EGFR: variants seen among roughly 807,000 people sequenced by gnomAD.
EGFR encodes the protein epidermal growth factor receptor, also known as avian erythroblastic leukemia viral (v-erb-b) oncogene homolog.
A neutral mutation model predicts 143.0 loss-of-function variants in EGFR; 58 were observed. The observed-to-expected ratio is 0.41, with a 90% CI of 0.33 to 0.50. EGFR has a LOEUF of 0.50. Ranked by LOEUF, EGFR falls within the 20% of genes least tolerant of loss-of-function variation. EGFR has a pLI of 0.39. For missense variants in EGFR, 1,307 were observed against 1,579.0 expected, an observed-to-expected ratio of 0.83 and a Z score of 2.92; for synonymous variants, 613 against 594.4, an observed-to-expected ratio of 1.03 and a Z score of -0.45.
At chr7:55,204,713 T>A (rs568862759) in intron 27 of EGFR, among the ~76,000 whole-genome samples, 12 of 95,262 alleles carry the variant, frequency 1.3e-4, no homozygotes, top group Non-Finnish European at 2.1e-4. Context: ...ACACACCACA[T>A]ACACACCCAC....
At chr7:55,055,500 C>T (rs1015798741) in intron 1 of EGFR, among the ~76,000 whole-genome samples, 68 of 152,270 alleles carry the variant, frequency 4.5e-4, no homozygotes, top group African/African-American at 1.6e-3. Flanking sequence ...TTCAACTGTG[C>T]ATTAACACAT....
intron 1 of EGFR, among the ~76,000 whole-genome samples, chr7:55,039,991 G>T (rs1209756595): frequency 6.6e-6 from 1 of 152,168 alleles, no homozygotes. Context: ...TCTCTTCACT[G>T]ACAGTTCTCT....
At chr7:55,075,074 G>A (rs1276037620) in intron 1 of EGFR, among the ~76,000 whole-genome samples, 3 of 152,142 alleles carry the variant, frequency 2.0e-5, no homozygotes, top group Non-Finnish European at 2.9e-5. Context: ...TGAATAGAAG[G>A]CCAAAGGGTG....
chr7:55,126,749 T>C (rs1472241971), intron 1 of EGFR, among the ~76,000 whole-genome samples: 1 of 152,238 alleles, frequency 6.6e-6, no homozygotes, highest in Non-Finnish European at 1.5e-5. Flanking sequence ...GTTTAAGTAC[T>C]GGATATACAT....
At chr7:55,201,060 G>C (rs17290692) in intron 24 of EGFR, 128 bp from the exon 25 acceptor site, 1 of 1,158,038 alleles carries the variant, frequency 8.6e-7, no homozygotes, top group African/African-American at 1.5e-5. Flanking sequence ...AGAACCAAGG[G>C]GGATTTCATT....
intron 11 of EGFR, among the ~76,000 whole-genome samples, chr7:55,158,694 A>C (rs1265670897): frequency 6.6e-6 from 1 of 152,218 alleles, no homozygotes; most frequent in African/African-American, 2.4e-5. Flanking sequence ...TTTAATGAGA[A>C]GTCTGGTGAT....
chr7:55,045,393 T>G (rs552405529), intron 1 of EGFR, among the ~76,000 whole-genome samples: 2 of 152,360 alleles, frequency 1.3e-5, no homozygotes, highest in South Asian at 4.1e-4. Context: ...GCTAAACAAT[T>G]GATTGAACTT....
rs1194237882 is a variant in EGFR at position 55,206,823 on chromosome 7, A to G, written c.*1206A>G. ...AAAGTGTCTCTGCCTTGAGTCATCT[A>G]TTCAAGCACTTACAGCTCTGGCCAC... On this transcript the variant is annotated 3_prime_UTR_variant, in exon 28 of 28. Transcript: ENST00000275493. 5 of 233,102 alleles carry G rather than the reference A, an allele frequency of 2.1e-5. No homozygotes were observed. Among genetic ancestry groups the G allele is most frequent in the Admixed American group, 1.7e-4 (3 of 17,760 alleles). 14.4% of individuals were successfully genotyped at this position (233,102 alleles called of 1,614,324 possible). A position where few individuals can be genotyped will look rare whatever the true frequency, so the allele number is the denominator to read the frequency against.
chr7:55,142,565 A>G (rs1794519789), intron 2 of EGFR, 128 bp downstream of exon 2: 2 of 1,218,780 alleles, frequency 1.6e-6, no homozygotes, highest in African/African-American at 1.5e-5. Flanking sequence ...CAGAGCTACA[A>G]ACGAGAGTTT....
At chr7:55,170,671 C>T in intron 15 of EGFR, 1 of 1,591,558 alleles carries the variant, frequency 6.3e-7, no homozygotes, top group South Asian at 1.1e-5. Flanking sequence ...GTGCCTCTCA[C>T]CCCAACTAGT....
At chr7:55,197,745 A>G (rs778580988) in intron 22 of EGFR, among the ~76,000 whole-genome samples, 1 of 152,276 alleles carries the variant, frequency 6.6e-6, no homozygotes, top group South Asian at 2.1e-4. Context: ...TTCTGCATCT[A>G]TTGAGATGAT....
In EGFR at chr7:55,152,571, G is replaced by T. The variant is rs776050604; in HGVS notation, c.654G>T (p.Gln218His). 1 of 1,613,970 alleles carries T rather than the reference G, an allele frequency of 6.2e-7. No individual in the cohort carries two copies. Among genetic ancestry groups the T allele is most frequent in the Non-Finnish European group, 8.5e-7 (1 of 1,180,034 alleles). ...TGACCAAAATCATCTGTGCCCAGCA[G>T]TGCTCCGGGCGCTGCCGTGGCAAGT... ...QKLTKIICAQ[Q>H]CSGRCRGKSP... is the part of the protein sequence containing the mutation. Residue 218 changes from glutamine to histidine, a missense_variant, in exon 6 of 28, where the codon CAG (glutamine) becomes CAT (histidine). By Grantham distance (24) the Gln-to-His change is conservative (BLOSUM62 0). Around this residue, in one of 7 missense-constraint regions of EGFR, gnomAD observed 311 missense variants for 412.3 expected, o/e 0.75. Coordinates refer to ENST00000275493, the MANE Select transcript of EGFR (RefSeq NM_005228.5).
chr7:55,059,572 TC>T (rs1789046519), intron 1 of EGFR, among the ~76,000 whole-genome samples: 1 of 152,094 alleles, frequency 6.6e-6, no homozygotes, highest in South Asian at 2.1e-4. Flanking sequence ...CATTACTATA[TC>T]ACGCAGAGTC....
intron 1 of EGFR, among the ~76,000 whole-genome samples, chr7:55,061,555 C>G (rs926855722): frequency 6.7e-6 from 1 of 150,252 alleles, no homozygotes; most frequent in South Asian, 2.1e-4. Flanking sequence ...ATTTTATAAG[C>G]CACATTTGCT....
chr7:55,091,852 AC>A (rs1791137725), intron 1 of EGFR, among the ~76,000 whole-genome samples: 2 of 17,312 alleles, frequency 1.2e-4, no homozygotes, highest in African/African-American at 8.6e-4. Context: ...CTGTAAACAC[AC>A]ACACACACAC....
At chr7:55,202,482 T>C (rs1787891987) in intron 26 of EGFR, 35 bp from the exon 27 acceptor site, 1 of 1,554,372 alleles carries the variant, frequency 6.4e-7, no homozygotes, top group African/African-American at 1.4e-5. Flanking sequence ...GGGGCAGCCC[T>C]GACCGGAGTA....
intron 1 of EGFR, among the ~76,000 whole-genome samples, chr7:55,115,379 C>T (rs771741193): frequency 3.3e-5 from 5 of 152,092 alleles, no homozygotes; most frequent in East Asian, 1.9e-4. Flanking sequence ...ATTGTAAAAA[C>T]GCCAAGCACA....
intron 1 of EGFR, among the ~76,000 whole-genome samples, chr7:55,081,206 G>A (rs1035060837): frequency 1.3e-5 from 2 of 152,210 alleles, no homozygotes; most frequent in African/African-American, 4.8e-5. Flanking sequence ...AGATCAGAAT[G>A]GAAATGATTA....
chr7:55,094,861 A>C (rs1791348378), intron 1 of EGFR, among the ~76,000 whole-genome samples: 1 of 152,216 alleles, frequency 6.6e-6, no homozygotes, highest in African/African-American at 2.4e-5. Flanking sequence ...TAAAACCTAG[A>C]AAGACCCAAA....
Sources: allele counts gnomAD v4.1 joint callset (sites outside exome capture counted in the v4.1 genomes callset), GRCh38; gene constraint gnomAD v4.1.1; regional missense constraint gnomAD v4.1.1; transcripts MANE v1.5; gene names NCBI Gene and HGNC (gene_info 2026-07-23, HGNC 2026-07-21).